The following CSMD1 variants were observed in gnomAD, a reference collection of about 807,000 sequenced individuals.
CSMD1 encodes the protein CUB and sushi domain-containing protein 1.
Under a neutral mutation model 417.5 loss-of-function variants are expected in CSMD1, and 213 were observed. The ratio of observed to expected loss-of-function variants is 0.51; its 90% CI spans 0.46 to 0.57. The LOEUF is 0.57. Among genes scored for constraint, CSMD1 ranks in the 20% least tolerant of loss-of-function variants. The pLI, the probability that CSMD1 is intolerant of heterozygous loss-of-function variation, is 0.00. For missense variants in CSMD1, 6,923 were observed against 4,529.7 expected (o/e 1.53, Z -15.17); for synonymous variants, 2,862 against 1,736.8 (o/e 1.65, Z -16.11).
intron 3 of CSMD1, among the ~76,000 whole-genome samples, chr8:4,214,745 A>C (rs1003492724): frequency 4.6e-5 from 7 of 152,182 alleles, no homozygotes; most frequent in African/African-American, 9.7e-5. Context: ...ATATTCCCAT[A>C]TTTGACATAT....
intron 54 of CSMD1, among the ~76,000 whole-genome samples, chr8:2,979,774 C>A (rs1805251263): frequency 6.6e-6 from 1 of 152,180 alleles, no homozygotes; most frequent in Admixed American, 6.5e-5. Context: ...TCTATGCTTC[C>A]TAAAACACCC....
At chr8:4,482,535 G>A (rs903582209) in intron 2 of CSMD1, among the ~76,000 whole-genome samples, 5 of 152,252 alleles carry the variant, frequency 3.3e-5, no homozygotes, top group African/African-American at 1.2e-4. Context: ...TTGCTATTGT[G>A]AATAGTGTTG....
chr8:3,873,648 C>G (rs1420019259), intron 5 of CSMD1, among the ~76,000 whole-genome samples: 1 of 152,052 alleles, frequency 6.6e-6, no homozygotes, highest in African/African-American at 2.4e-5. Flanking sequence ...ATATCAAACC[C>G]CCATGACACT....
chr8:3,656,379 C>A (rs184962788), intron 7 of CSMD1, among the ~76,000 whole-genome samples: 2 of 151,184 alleles, frequency 1.3e-5, no homozygotes, highest in Non-Finnish European at 2.9e-5. Context: ...TAGATGACAC[C>A]TGCTTTCTCT....
chr8:3,242,779 C>T (rs550608034), intron 26 of CSMD1, among the ~76,000 whole-genome samples: 19 of 151,122 alleles, frequency 1.3e-4, no homozygotes, highest in African/African-American at 4.1e-4. Flanking sequence ...GTTTCTTACC[C>T]TCCAGACAAG....
chr8:3,956,237 T>C (rs917777491), intron 5 of CSMD1, among the ~76,000 whole-genome samples: 3 of 152,132 alleles, frequency 2.0e-5, no homozygotes, highest in African/African-American at 4.8e-5. Context: ...GTGGTGTTGT[T>C]AACTTTTTCA....
At chr8:3,504,329 A>C (rs778942105) in intron 10 of CSMD1, among the ~76,000 whole-genome samples, 16 of 152,184 alleles carry the variant, frequency 1.1e-4, no homozygotes, top group Non-Finnish European at 1.8e-4. Flanking sequence ...TTACTCAACG[A>C]GAGTCTTGAA....
rs185113436 is a variant in CSMD1 at position 3,831,073 on chromosome 8, A to G, written c.819-77031T>C. On this transcript the variant is annotated intron_variant, in intron 5 of 69. Coordinates refer to ENST00000635120, the MANE Select transcript of CSMD1 (RefSeq NM_033225.6). ...TTGGGTGTTGGAAATGTCCAGAAGAAAGGAATCAAATATTGAGTGTCCAAT... is the reference window on the plus strand; with the variant it reads ...TTGGGTGTTGGAAATGTCCAGAAGAGAGGAATCAAATATTGAGTGTCCAAT... Among the ~76,000 whole-genome samples, 1,222 of 152,314 alleles carry G rather than the reference A, an allele frequency of 8.0e-3. 8 individuals are homozygous for G. The highest frequency in any genetic ancestry group is 0.014 in the Non-Finnish European group (921 of 68,030).
intron 3 of CSMD1, among the ~76,000 whole-genome samples, chr8:4,410,002 T>C (rs958607495): frequency 2.0e-5 from 3 of 152,010 alleles, no homozygotes; most frequent in Non-Finnish European, 4.4e-5. Flanking sequence ...TTAGTAGAGA[T>C]GGGATTTCAC....
chr8:3,343,177 T>C (rs71521842), intron 23 of CSMD1, 117 bp downstream of exon 23: 73,128 of 823,156 alleles, frequency 0.089, 4,318 homozygotes, highest in African/African-American at 0.23. Flanking sequence ...TAAACTGCAA[T>C]CAAAAACACA....
At chr8:3,451,301 C>A (rs1363188280) in intron 12 of CSMD1, among the ~76,000 whole-genome samples, 1 of 152,192 alleles carries the variant, frequency 6.6e-6, no homozygotes, top group Non-Finnish European at 1.5e-5. Flanking sequence ...TTTTGCTGCA[C>A]AGAAGCTCTT....
chr8:3,135,852 T>A (rs1224173419), intron 41 of CSMD1, among the ~76,000 whole-genome samples: 2 of 152,134 alleles, frequency 1.3e-5, no homozygotes, highest in Non-Finnish European at 2.9e-5. Context: ...AGCAGGGTCC[T>A]GTCCTTGCTG....
chr8:3,022,243 A>G (rs1643474366), intron 51 of CSMD1, among the ~76,000 whole-genome samples: 2 of 150,264 alleles, frequency 1.3e-5, no homozygotes, highest in Admixed American at 1.3e-4. Flanking sequence ...GCAATCCCAC[A>G]GCATCTGGAA....
At chr8:3,737,838 C>G (rs150175517) in intron 6 of CSMD1, among the ~76,000 whole-genome samples, 60 of 152,302 alleles carry the variant, frequency 3.9e-4, no homozygotes, top group African/African-American at 1.4e-3. Context: ...ACTACCAAAA[C>G]ATAACCCATT....
chr8:3,265,441 C>A (rs113615784), intron 26 of CSMD1, among the ~76,000 whole-genome samples: 5 of 152,166 alleles, frequency 3.3e-5, no homozygotes, highest in African/African-American at 1.2e-4. Flanking sequence ...TATTTACTCT[C>A]AGGGATCAGA....
chr8:4,788,092 A>T, intron 1 of CSMD1: 1 of 1,603,222 alleles, frequency 6.2e-7, no homozygotes, highest in Non-Finnish European at 8.5e-7. Context: ...TTGCTTTTGA[A>T]ATCAGAAAGT....
chr8:4,017,035 T>C (rs779947330), intron 4 of CSMD1, among the ~76,000 whole-genome samples: 4 of 152,136 alleles, frequency 2.6e-5, no homozygotes, highest in South Asian at 2.1e-4. Context: ...AGCCACATCA[T>C]AAAGGAACAA....
intron 10 of CSMD1, among the ~76,000 whole-genome samples, chr8:3,495,284 C>G (rs1009376112): frequency 2.6e-5 from 4 of 152,296 alleles, no homozygotes; most frequent in East Asian, 1.9e-4. Context: ...AGAATCATCA[C>G]TGAGACCTGC....
chr8:4,439,205 AT>A (rs1419177277), intron 2 of CSMD1, among the ~76,000 whole-genome samples: 1 of 152,126 alleles, frequency 6.6e-6, no homozygotes, highest in Admixed American at 6.6e-5. Flanking sequence ...CACATTGCAA[AT>A]TTCATTTATT....
Sources: gnomAD v4.1 joint callset for allele counts (sites outside exome capture counted in the v4.1 genomes callset) on GRCh38, gnomAD v4.1.1 for gene constraint, MANE v1.5 for transcripts, NCBI Gene and HGNC (gene_info 2026-07-23, HGNC 2026-07-21) for gene names.